Variants in SND1 observed in about 807,000 individuals in gnomAD.
SND1 encodes staphylococcal nuclease and tudor domain containing 1.
Under a neutral mutation model 121.7 loss-of-function variants are expected in SND1, and 38 were observed. The observed-to-expected ratio is 0.31, with a 90% CI of 0.24 to 0.41. The LOEUF is 0.41. SND1 is among the 10% of genes least tolerant of loss of function. The pLI is 1.00. For synonymous variants in SND1, 401 were observed against 447.4 expected, an observed-to-expected ratio of 0.90 and a Z score of 1.31; for missense variants, 868 against 1,184.6, an observed-to-expected ratio of 0.73 and a Z score of 3.92.
intron 1 of SND1, among the ~76,000 whole-genome samples, chr7:127,657,920 A>G (rs1301342279): frequency 2.6e-5 from 4 of 152,220 alleles, no homozygotes; most frequent in African/African-American, 7.2e-5. Context: ...GGGTGATAAA[A>G]GGAAGAGAGG....
At chr7:127,996,648 C>T (rs982062269) in intron 16 of SND1, among the ~76,000 whole-genome samples, 7 of 152,206 alleles carry the variant, frequency 4.6e-5, no homozygotes, top group Non-Finnish European at 1.0e-4. Flanking sequence ...TCCTGACTCT[C>T]CCTGACGGCC....
intron 12 of SND1, among the ~76,000 whole-genome samples, chr7:127,856,986 G>T (rs1212948088): frequency 6.6e-6 from 1 of 152,040 alleles, no homozygotes. Flanking sequence ...ATTGAGTGAA[G>T]GTTAACCACA....
intron 16 of SND1, among the ~76,000 whole-genome samples, chr7:128,009,545 T>C (rs1803065059): frequency 6.6e-6 from 1 of 152,226 alleles, no homozygotes; most frequent in African/African-American, 2.4e-5. Context: ...GTAATGGATA[T>C]TGAGCACTTG....
intron 15 of SND1, among the ~76,000 whole-genome samples, chr7:127,936,053 C>G (rs993346004): frequency 6.6e-6 from 1 of 152,152 alleles, no homozygotes; most frequent in African/African-American, 2.4e-5. Context: ...GTAGAATGAT[C>G]GCTTGGTCAG....
rs549602567 is a variant in SND1, at chr7:127,909,125, C to T, written c.1527+4306C>T. Among the ~76,000 whole-genome samples, 7 of 152,308 alleles carry T rather than the reference C, an allele frequency of 4.6e-5. No homozygotes were observed. In the East Asian group the frequency reaches 1.4e-3, roughly 29 times the overall value. On this transcript the variant is annotated intron_variant, in intron 14 of 23. Transcript: ENST00000354725. ...TTTCCTTTTGTGTCTGTCCTCTGTG[C>T]ATGAGGAGTTACGATGTTTGTTTGA...
intron 18 of SND1, among the ~76,000 whole-genome samples, chr7:128,083,585 G>C (rs943919612): frequency 6.6e-6 from 1 of 152,258 alleles, no homozygotes; most frequent in Non-Finnish European, 1.5e-5. Flanking sequence ...ACCAGGCTTT[G>C]TGCAAGTAAA....
intron 12 of SND1, among the ~76,000 whole-genome samples, chr7:127,885,260 T>C (rs1012694695): frequency 1.3e-5 from 2 of 152,156 alleles, no homozygotes; most frequent in African/African-American, 4.8e-5. Flanking sequence ...GTGTATCACA[T>C]GGGGAACCCA....
chr7:127,876,446 T>C (rs1799692585), intron 12 of SND1, among the ~76,000 whole-genome samples: 1 of 152,128 alleles, frequency 6.6e-6, no homozygotes, highest in South Asian at 2.1e-4. Context: ...TCAGAGATTT[T>C]TATACAGGAA....
intron 15 of SND1, among the ~76,000 whole-genome samples, chr7:127,954,031 A>G (rs1447450340): frequency 6.6e-6 from 1 of 152,218 alleles, no homozygotes; most frequent in Non-Finnish European, 1.5e-5. Flanking sequence ...TATATTTGCT[A>G]TCTTACAAGC....
chr7:127,963,343 C>T (rs1376899190), intron 15 of SND1, among the ~76,000 whole-genome samples: 17 of 144,700 alleles, frequency 1.2e-4, no homozygotes, highest in South Asian at 2.3e-4. Flanking sequence ...CATGCTGGTG[C>T]GCTGCACCCA....
At chr7:127,908,975 G>C (rs1035736893) in intron 14 of SND1, among the ~76,000 whole-genome samples, 2 of 152,176 alleles carry the variant, frequency 1.3e-5, no homozygotes, top group Non-Finnish European at 2.9e-5. Context: ...CACTCCTCAA[G>C]TTGCAGCCAG....
chr7:127,925,933 A>T (rs1800823422), intron 14 of SND1, among the ~76,000 whole-genome samples: 1 of 151,104 alleles, frequency 6.6e-6, no homozygotes, highest in Non-Finnish European at 1.5e-5. Flanking sequence ...TTTAAGAGAG[A>T]AAATCTCTGT....
chr7:128,055,960 G>A (rs1464188488), intron 16 of SND1, among the ~76,000 whole-genome samples: 1 of 152,180 alleles, frequency 6.6e-6, no homozygotes, highest in Non-Finnish European at 1.5e-5. Context: ...TCTGGAATTA[G>A]GCAGGACTGA....
intron 14 of SND1, among the ~76,000 whole-genome samples, chr7:127,918,055 C>CTTTTTTTTTTTTT (rs11375840): frequency 2.1e-5 from 3 of 142,382 alleles, no homozygotes; most frequent in African/African-American, 2.6e-5. Flanking sequence ...TAGATTTTTT[C>CTTTTTTTTTTTTT]TTTTTTTTTT....
chr7:127,930,622 T>A (rs911109463), intron 15 of SND1, among the ~76,000 whole-genome samples: 2 of 152,178 alleles, frequency 1.3e-5, no homozygotes, highest in Non-Finnish European at 2.9e-5. Flanking sequence ...TGCAAAAAAA[T>A]TCATACCTTA....
At chr7:127,916,648 A>G (rs1800586496) in intron 14 of SND1, among the ~76,000 whole-genome samples, 1 of 152,188 alleles carries the variant, frequency 6.6e-6, no homozygotes, top group Admixed American at 6.5e-5. Context: ...AAGCTGTCGG[A>G]GATAAATCAG....
At chr7:127,763,065 C>T (rs1797333993) in intron 10 of SND1, among the ~76,000 whole-genome samples, 1 of 152,138 alleles carries the variant, frequency 6.6e-6, no homozygotes, top group Admixed American at 6.5e-5. Flanking sequence ...GTCTAAATAG[C>T]CAGAAATAGG....
At chr7:127,918,266 G>A (rs1424373992) in intron 14 of SND1, among the ~76,000 whole-genome samples, 4 of 151,210 alleles carry the variant, frequency 2.6e-5, no homozygotes, top group Admixed American at 6.6e-5. Context: ...GGCTTTCACC[G>A]TGTTGGCCAG....
intron 16 of SND1, among the ~76,000 whole-genome samples, chr7:128,046,866 A>G (rs1792958467): frequency 6.6e-6 from 1 of 152,244 alleles, no homozygotes; most frequent in Non-Finnish European, 1.5e-5. Flanking sequence ...CAATAGAAAT[A>G]AAGAATATAT....
Sources: gnomAD v4.1 joint callset for allele counts (sites outside exome capture counted in the v4.1 genomes callset) on GRCh38, gnomAD v4.1.1 for gene constraint, MANE v1.5 for transcripts, NCBI Gene and HGNC (gene_info 2026-07-23, HGNC 2026-07-21) for gene names.